PLPP1: variants seen among roughly 807,000 people sequenced by gnomAD.
PLPP1 encodes lipid phosphate phosphohydrolase 1a.
A neutral mutation model predicts 31.2 loss-of-function variants in PLPP1; 24 were observed. The observed-to-expected ratio is 0.77, with a 90% confidence interval of 0.56 to 1.08. The LOEUF (loss-of-function observed/expected upper bound fraction) is 1.08. Among genes scored for constraint, PLPP1 ranks in the 50% least tolerant of loss-of-function variants. The probability of loss-of-function intolerance (pLI) is 0.00; values close to 1 mark genes in which losing one functional copy is unlikely to be tolerated. For missense variants in PLPP1, 319 were observed against 342.7 expected (o/e 0.93, Z 0.55); for synonymous variants, 146 against 126.3 (o/e 1.16, Z -1.05).
At chr5:55,426,369 CAT>C (rs1751195129) in intron 4 of PLPP1, among the ~76,000 whole-genome samples, 1 of 152,126 alleles carries the variant, frequency 6.6e-6, no homozygotes, top group African/African-American at 2.4e-5. Flanking sequence ...TTATAATTCT[CAT>C]AGTCAAGACC....
chr5:55,512,568 GAAA>G lies in PLPP1; in HGVS notation c.58+22001_58+22003del, dbSNP rs1753456919. Among the ~76,000 whole-genome samples the G allele has an allele frequency of 4.9e-5, 7 of 143,088 alleles. 1 individual carries two copies. The highest frequency in any genetic ancestry group is 2.2e-4 in the East Asian group (1 of 4,626). 93.9% of individuals were successfully genotyped at this position (143,088 alleles called of 152,430 possible). A position where few individuals can be genotyped will look rare whatever the true frequency, so the allele number is the denominator to read the frequency against. On this transcript the variant is annotated intron_variant, in intron 1 of 5. Coordinates refer to ENST00000307259, the MANE Select transcript of PLPP1 (RefSeq NM_003711.4). ...AGAAAGAAAGAAAGAAAGAAAGAAA[GAAA>G]GAAAGGTAACATAAAACTTACTAAT...
chr5:55,524,196 G>A (rs1753732269), intron 1 of PLPP1, among the ~76,000 whole-genome samples: 1 of 152,070 alleles, frequency 6.6e-6, no homozygotes, highest in African/African-American at 2.4e-5. Flanking sequence ...GGCTTCCCTG[G>A]AGTACACTAG....
At chr5:55,451,687 G>C (rs567133471) in intron 3 of PLPP1, among the ~76,000 whole-genome samples, 1 of 151,842 alleles carries the variant, frequency 6.6e-6, no homozygotes, top group African/African-American at 2.4e-5. Flanking sequence ...TCAGCCTCCT[G>C]AGTAGCTGGG....
At chr5:55,431,815 C>CT (rs1751358152) in intron 4 of PLPP1, among the ~76,000 whole-genome samples, 1 of 152,090 alleles carries the variant, frequency 6.6e-6, no homozygotes, top group African/African-American at 2.4e-5. Context: ...AAAAAAGTTG[C>CT]TTTTATGAAA....
intron 1 of PLPP1, among the ~76,000 whole-genome samples, chr5:55,497,959 C>CT (rs1753038576): frequency 1.3e-5 from 2 of 152,088 alleles, no homozygotes; most frequent in Admixed American, 1.3e-4. Context: ...CAGTCTCAGG[C>CT]TCCTGAGACT....
chr5:55,440,155 T>C (rs957529097), intron 4 of PLPP1, among the ~76,000 whole-genome samples: 3 of 152,182 alleles, frequency 2.0e-5, no homozygotes, highest in Non-Finnish European at 4.4e-5. Context: ...CTCAGATTTC[T>C]AGATTTCTCA....
chr5:55,425,712 G>T, intron 5 of PLPP1, 151 bp downstream of exon 5: 1 of 652,076 alleles, frequency 1.5e-6, no homozygotes, highest in Non-Finnish European at 2.4e-6. Flanking sequence ...TTAACCTGGT[G>T]TGTATCCTGA....
At chr5:55,512,760 AC>A (rs1235312977) in intron 1 of PLPP1, among the ~76,000 whole-genome samples, 5 of 144,744 alleles carry the variant, frequency 3.5e-5, no homozygotes, top group African/African-American at 1.3e-4. Context: ...GGGGAAAGAA[AC>A]AAGGTATGGG....
At chr5:55,431,957 T>G (rs1422646757) in intron 4 of PLPP1, among the ~76,000 whole-genome samples, 1 of 152,218 alleles carries the variant, frequency 6.6e-6, no homozygotes, top group East Asian at 1.9e-4. Context: ...AGGGTCTCAC[T>G]GTCACCCAGT....
chr5:55,458,106 C>T (rs1175608620), intron 3 of PLPP1, among the ~76,000 whole-genome samples: 1 of 152,126 alleles, frequency 6.6e-6, no homozygotes, highest in Non-Finnish European at 1.5e-5. Flanking sequence ...ATACTGAAGT[C>T]CCACTTCCAT....
At chr5:55,470,079 T>G (rs1230034671) in intron 2 of PLPP1, among the ~76,000 whole-genome samples, 2 of 152,178 alleles carry the variant, frequency 1.3e-5, no homozygotes, top group Admixed American at 6.5e-5. Flanking sequence ...ACAGGAGAGG[T>G]AAACTATATG....
rs150691302 is a variant in PLPP1 at position 55,509,174 on chromosome 5, G to A, written c.58+25398C>T. ...TTTCAATTTCAGGTAAACAATTTGT[G>A]TATGTTTCAATAAGAAATGAAAAAT... On this transcript the variant is annotated intron_variant, in intron 1 of 5. Transcript: ENST00000307259. Among the ~76,000 whole-genome samples, 7 of 152,330 alleles carry A rather than the reference G, an allele frequency of 4.6e-5. No homozygotes were observed. The East Asian group carries it at 7.7e-4, about 17-fold the overall frequency.
intron 3 of PLPP1, among the ~76,000 whole-genome samples, chr5:55,444,064 C>T (rs976568701): frequency 2.0e-5 from 3 of 151,732 alleles, no homozygotes; most frequent in Non-Finnish European, 4.4e-5. Context: ...TTTAATAAAT[C>T]CCAAGGAGTA....
At chr5:55,479,720 T>C (rs1752632756) in intron 1 of PLPP1, among the ~76,000 whole-genome samples, 1 of 152,174 alleles carries the variant, frequency 6.6e-6, no homozygotes, top group African/African-American at 2.4e-5. Context: ...TAGAGCACCT[T>C]TTACCCTTTT....
rs535320617 is a variant in PLPP1, at chr5:55,512,049, AAT to A, written c.58+22521_58+22522del. Among the ~76,000 whole-genome samples the A allele has an allele frequency of 4.6e-5, 7 of 151,184 alleles. No individual in the cohort carries two copies. In the South Asian group the frequency reaches 1.5e-3, roughly 32 times the overall value. The stretch of plus-strand genomic sequence containing the variant: ...GAGGTTGAGGCAGGAGAATCGTTTG[AAT>A]CTGGGAGGCGAAGGTTGCAGTGAGC... On this transcript the variant is annotated intron_variant, in intron 1 of 5. Transcript: ENST00000307259.
intron 3 of PLPP1, among the ~76,000 whole-genome samples, chr5:55,464,977 T>A (rs1213904061): frequency 6.6e-6 from 1 of 152,090 alleles, no homozygotes; most frequent in East Asian, 1.9e-4. Flanking sequence ...GTAGTTCGAC[T>A]AGTATCTATT....
At chr5:55,473,998 T>G (rs1422638430) in intron 2 of PLPP1, among the ~76,000 whole-genome samples, 3 of 143,788 alleles carry the variant, frequency 2.1e-5, no homozygotes, top group Non-Finnish European at 4.5e-5. Context: ...TTGTTTGTTG[T>G]TTTTTTTTTT....
chr5:55,425,791 AT>A (rs3217330), intron 5 of PLPP1, 71 bp downstream of exon 5: 54 of 1,009,460 alleles, frequency 5.3e-5, no homozygotes, highest in East Asian at 2.6e-4. Flanking sequence ...GATTTTTTGG[AT>A]TTTTTTTTTC....
chr5:55,465,654 G>A (rs760799978), intron 3 of PLPP1, among the ~76,000 whole-genome samples: 21 of 152,154 alleles, frequency 1.4e-4, no homozygotes, highest in Non-Finnish European at 2.5e-4. Context: ...GGTTGGATAA[G>A]CTTGTATCAG....
Sources: gnomAD v4.1 joint callset for allele counts (sites outside exome capture counted in the v4.1 genomes callset) on GRCh38, gnomAD v4.1.1 for gene constraint, MANE v1.5 for transcripts, NCBI Gene and HGNC (gene_info 2026-07-23, HGNC 2026-07-21) for gene names.